The following UST variants were observed in gnomAD, a reference collection of about 807,000 sequenced individuals.
UST encodes the protein chondroitin sulfate 2-O-sulfotransferase.
UST carries 21 observed loss-of-function variants against 45.6 expected under a neutral mutation model. The ratio of observed to expected loss-of-function variants is 0.46; its 90% CI spans 0.33 to 0.66. The LOEUF is 0.66. UST is among the 30% of genes least tolerant of loss of function. The pLI is 0.02. For synonymous variants in UST, 215 were observed against 200.6 expected (o/e 1.07, Z -0.61); for missense variants, 463 against 512.4 (o/e 0.90, Z 0.93).
At chr6:149,025,867 G>T (rs974959926) in intron 7 of UST, among the ~76,000 whole-genome samples, 1 of 151,358 alleles carries the variant, frequency 6.6e-6, no homozygotes, top group Non-Finnish European at 1.5e-5. Flanking sequence ...AAAAAAAAAA[G>T]TCCAGGCGTG....
chr6:148,931,244 G>T (rs1248494264), intron 2 of UST, among the ~76,000 whole-genome samples: 2 of 152,206 alleles, frequency 1.3e-5, no homozygotes, highest in Non-Finnish European at 2.9e-5. Flanking sequence ...GAGTTTTGAG[G>T]TTGGACTCAG....
At chr6:148,911,241 C>G (rs561623835) in intron 2 of UST, among the ~76,000 whole-genome samples, 9 of 152,208 alleles carry the variant, frequency 5.9e-5, no homozygotes, top group Non-Finnish European at 1.0e-4. Context: ...AGCTCAAGCT[C>G]TAATGAGAAG....
intron 7 of UST, among the ~76,000 whole-genome samples, chr6:149,041,301 T>C (rs1462852847): frequency 6.6e-6 from 1 of 152,226 alleles, no homozygotes; most frequent in Non-Finnish European, 1.5e-5. Flanking sequence ...GGCTCACTAG[T>C]GGGCAAAGAA....
At chr6:149,043,968 A>G (rs1776363034) in intron 7 of UST, among the ~76,000 whole-genome samples, 1 of 152,188 alleles carries the variant, frequency 6.6e-6, no homozygotes, top group Non-Finnish European at 1.5e-5. Flanking sequence ...ACAAAACCAC[A>G]TGTGTTATTA....
chr6:149,033,454 A>G (rs1391180690), intron 7 of UST, among the ~76,000 whole-genome samples: 4 of 152,236 alleles, frequency 2.6e-5, no homozygotes, highest in African/African-American at 9.7e-5. Context: ...AGCTTTTCAC[A>G]TCTTGCAAAT....
intron 1 of UST, among the ~76,000 whole-genome samples, chr6:148,812,262 A>G (rs1777272334): frequency 6.6e-6 from 1 of 152,152 alleles, no homozygotes; most frequent in African/African-American, 2.4e-5. Flanking sequence ...GAAAACACAA[A>G]AATGCTTGTA....
intron 2 of UST, among the ~76,000 whole-genome samples, chr6:148,909,740 T>C (rs1358346736): frequency 6.6e-6 from 1 of 152,240 alleles, no homozygotes; most frequent in East Asian, 1.9e-4. Context: ...AAGTGATTAC[T>C]TTGCTTTGCT....
chr6:148,837,844 A>G (rs144102099), intron 1 of UST, among the ~76,000 whole-genome samples: 85 of 152,210 alleles, frequency 5.6e-4, no homozygotes, highest in African/African-American at 2.0e-3. Context: ...CTGGGACTAT[A>G]GGCATGTGCC....
chr6:148,964,002 C>T (rs6933251), intron 4 of UST, among the ~76,000 whole-genome samples: 53,917 of 152,022 alleles, frequency 0.35, 9,590 homozygotes, highest in Middle Eastern at 0.43. Flanking sequence ...TCAACTGAAA[C>T]ATTCACCGAG....
At chr6:149,027,386 C>T (rs2115023100) in intron 7 of UST, among the ~76,000 whole-genome samples, 1 of 152,284 alleles carries the variant, frequency 6.6e-6, no homozygotes. Flanking sequence ...TCTTTGTCTG[C>T]CATGGGTCTG....
At chr6:149,017,006 G>T (rs1775907297) in intron 5 of UST, among the ~76,000 whole-genome samples, 1 of 152,152 alleles carries the variant, frequency 6.6e-6, no homozygotes, top group African/African-American at 2.4e-5. Flanking sequence ...CATCCTCAAG[G>T]CAAAGCACAG....
In UST at chr6:148,808,265, T is replaced by C. The variant is rs149414580; in HGVS notation, c.247+60588T>C. Among the ~76,000 whole-genome samples, 533 of 152,332 alleles carry C rather than the reference T, an allele frequency of 3.5e-3. 2 individuals carry two copies. Among genetic ancestry groups the C allele is most frequent in the African/African-American group, 0.012 (496 of 41,576 alleles). On this transcript the variant is annotated intron_variant, in intron 1 of 7. Transcript: ENST00000367463. ...TTCGCTTTTCTTACCCAGTCACTTA[T>C]GTTCTGTGGCTTTGGGACCAGCAAG...
intron 7 of UST, among the ~76,000 whole-genome samples, chr6:149,044,976 A>G (rs1214558543): frequency 6.6e-6 from 1 of 152,248 alleles, no homozygotes; most frequent in Non-Finnish European, 1.5e-5. Context: ...GTGAGCACAC[A>G]TTGCTGAAAC....
Position 148,747,663 on chromosome 6 carries a change from T to C in UST, c.233T>C (p.Leu78Pro), listed in dbSNP as rs1775897379. The change falls in exon 1 of 8, where the codon CTG becomes CCG. Residue 78 changes from leucine to proline, a missense_variant. By Grantham distance (98) the Leu-to-Pro change is moderately conservative. Transcript: ENST00000367463. ...SGGPPRFLLD[L>P]RQYLGNSTYL... ...GGACCCCCTCGCTTCCTGCTCGACC[T>C]GCGGCAGTACTTGGGTAAGGAAGCT... 5 of 1,600,544 alleles carry C rather than the reference T, an allele frequency of 3.1e-6. No homozygotes were observed. Among genetic ancestry groups the C allele is most frequent in the Non-Finnish European group, 3.4e-6 (4 of 1,175,084 alleles).
At chr6:149,039,042 G>C (rs534956487) in intron 7 of UST, among the ~76,000 whole-genome samples, 1 of 152,118 alleles carries the variant, frequency 6.6e-6, no homozygotes, top group East Asian at 1.9e-4. Context: ...AAACTAGAAG[G>C]GAAAATACCA....
At chr6:148,803,709 A>G (rs530127052) in intron 1 of UST, among the ~76,000 whole-genome samples, 2 of 152,262 alleles carry the variant, frequency 1.3e-5, no homozygotes, top group Admixed American at 6.5e-5. Flanking sequence ...CCTGACTCCC[A>G]GAACTCCTTC....
intron 1 of UST, among the ~76,000 whole-genome samples, chr6:148,819,272 AC>A (rs1355380139): frequency 2.0e-5 from 3 of 152,190 alleles, no homozygotes; most frequent in African/African-American, 7.2e-5. Context: ...TTAAAAAAAA[AC>A]AAAAACAAAA....
At chr6:148,965,346 A>C (rs1780767703) in intron 5 of UST, among the ~76,000 whole-genome samples, 1 of 152,136 alleles carries the variant, frequency 6.6e-6, no homozygotes. Flanking sequence ...GGTGCCCAGG[A>C]GGCTGAAATC....
At chr6:148,978,171 A>G (rs6924147) in intron 5 of UST, among the ~76,000 whole-genome samples, 48,868 of 152,076 alleles carry the variant, frequency 0.32, 8,158 homozygotes, top group Non-Finnish European at 0.37. Flanking sequence ...TTATATCCCC[A>G]GGTGATAATT....
Sources: gnomAD v4.1 joint callset for allele counts (sites outside exome capture counted in the v4.1 genomes callset) on GRCh38, gnomAD v4.1.1 for gene constraint, MANE v1.5 for transcripts, NCBI Gene and HGNC (gene_info 2026-07-23, HGNC 2026-07-21) for gene names.